The following COX11 variants were observed in gnomAD, a reference collection of about 807,000 sequenced individuals.
The protein encoded by COX11 is cytochrome c oxidase copper chaperone COX11, also known as cytochrome c oxidase assembly protein COX11, mitochondrial.
A neutral mutation model predicts 29.4 loss-of-function variants in COX11; 18 were observed. That is an observed-to-expected ratio of 0.61 (90% confidence interval 0.42 to 0.91). The LOEUF (loss-of-function observed/expected upper bound fraction) is 0.91, where lower values mean the gene tolerates loss of function less well. Ranked by LOEUF, COX11 falls within the 40% of genes least tolerant of loss-of-function variation. The probability of loss-of-function intolerance (pLI) is 0.00; values close to 1 mark genes in which losing one functional copy is unlikely to be tolerated. For synonymous variants in COX11, 131 were observed against 124.0 expected (o/e 1.06, Z -0.38); for missense variants, 312 against 346.0 (o/e 0.90, Z 0.78).
intron 2 of COX11, among the ~76,000 whole-genome samples, chr17:54,964,020 T>A (rs1176291312): frequency 6.6e-6 from 1 of 152,140 alleles, no homozygotes; most frequent in African/African-American, 2.4e-5. Flanking sequence ...AATCATAACC[T>A]ATAAAATCTT....
chr17:54,967,898 G>A (rs1341635938), intron 1 of COX11, among the ~76,000 whole-genome samples: 3 of 151,614 alleles, frequency 2.0e-5, no homozygotes, highest in African/African-American at 7.3e-5. Context: ...TAAACCACAT[G>A]TGGTTTGCAG....
At position 54,962,926 on chromosome 17, in the gene COX11, T is replaced by C. The variant is rs779471204; in HGVS notation, c.649-11A>G. ...TTCAAAACAGAAGCACTGGAAATTA[T>C]AGAAAGATTTTAATAACATTTCTAT... On this transcript the variant is annotated splice_polypyrimidine_tract_variant and intron_variant, in intron 3 of 3. Transcript: ENST00000299335. 1.0e-5 allele frequency: 16 copies of C among 1,598,154 alleles called. No homozygotes were observed. Among genetic ancestry groups the C allele is most frequent in the Middle Eastern group, 3.3e-4 (2 of 6,046 alleles).
At chr17:54,965,749 T>C (rs1443747017) in intron 1 of COX11, among the ~76,000 whole-genome samples, 1 of 151,724 alleles carries the variant, frequency 6.6e-6, no homozygotes. Flanking sequence ...AAGAATTGCT[T>C]GAACCCGGGA....
At chr17:54,965,596 C>CG (rs1324957329) in intron 1 of COX11, among the ~76,000 whole-genome samples, 7 of 152,016 alleles carry the variant, frequency 4.6e-5, no homozygotes, top group Non-Finnish European at 1.0e-4. Context: ...TGGGAAGCCA[C>CG]GGGGGGCGGA....
chr17:54,957,912 C>T (rs1044371631), downstream of COX11: 17 of 152,182 alleles, frequency 1.1e-4, no homozygotes, highest in African/African-American at 4.1e-4. Flanking sequence ...CCACCAAATA[C>T]ATGTTTACAA....
downstream of COX11, among the ~76,000 whole-genome samples, chr17:54,958,748 A>AAAAAAAAAAAAAAAGG (rs372776781): frequency 8.4e-6 from 1 of 118,928 alleles, no homozygotes; most frequent in Non-Finnish European, 1.7e-5. Flanking sequence ...AAAAAAAAAA[A>AAAAAAAAAAAAAAAGG]GGGGTTGTTG....
Position 54,962,034 on chromosome 17 carries a change from G to GTACATT in COX11, c.*693_*698dup, listed in dbSNP as rs1295444203. 4 of 984,284 alleles carry GTACATT rather than the reference G, an allele frequency of 4.1e-6. No individual in the cohort carries two copies. In the African/African-American group the frequency reaches 7.0e-5, roughly 17 times the overall value. 61.0% of individuals were successfully genotyped at this position (984,284 alleles called of 1,614,324 possible). On this transcript the variant is annotated 3_prime_UTR_variant, in exon 4 of 4. Transcript: ENST00000299335. ...TCAGTAAATCTTCACAATCCCACCTGTACATTTTAACATTCATGGACTTGT... is the reference window on the plus strand; with the variant it reads ...TCAGTAAATCTTCACAATCCCACCTGTACATTTACATTTTAACATTCATGGACTTGT...
upstream of COX11, chr17:54,968,744 G>T: frequency 7.1e-7 from 1 of 1,410,264 alleles, no homozygotes. Flanking sequence ...GCCTGCCGCT[G>T]CCTTGGCTAC....
chr17:54,964,531 CT>C, intron 2 of COX11, 165 bp downstream of exon 2: 1 of 691,374 alleles, frequency 1.4e-6, no homozygotes, highest in East Asian at 2.8e-5. Context: ...AGAATTTATA[CT>C]TTAACTTTTA....
chr17:54,957,776 C>T (rs1337149140), downstream of COX11: 1 of 152,126 alleles, frequency 6.6e-6, no homozygotes, highest in Non-Finnish European at 1.5e-5. Context: ...AAGATACACA[C>T]GATTCACTAA....
downstream of COX11, among the ~76,000 whole-genome samples, chr17:54,958,748 A>AAAAAAAAAAGGG: frequency 8.4e-6 from 1 of 118,956 alleles, no homozygotes; most frequent in Non-Finnish European, 1.7e-5. Flanking sequence ...AAAAAAAAAA[A>AAAAAAAAAAGGG]GGGGTTGTTG....
chr17:54,958,987 T>C (rs1959282844), downstream of COX11, among the ~76,000 whole-genome samples: 2 of 152,110 alleles, frequency 1.3e-5, no homozygotes, highest in Non-Finnish European at 2.9e-5. Flanking sequence ...ACAATACAAA[T>C]GAAGATAAAC....
intron 1 of COX11, among the ~76,000 whole-genome samples, chr17:54,967,036 GCGCGCGCACACA>G (rs2077235718): frequency 4.3e-5 from 2 of 46,810 alleles, no homozygotes; most frequent in African/African-American, 1.4e-4. Flanking sequence ...AAACGTGCGC[GCGCGCGCACACA>G]CACACACACA....
intron 2 of COX11, among the ~76,000 whole-genome samples, chr17:54,963,777 C>T (rs1436238104): frequency 6.6e-6 from 1 of 151,994 alleles, no homozygotes; most frequent in South Asian, 2.1e-4. Flanking sequence ...AACACTTATA[C>T]CTGAATGTCA....
downstream of COX11, among the ~76,000 whole-genome samples, chr17:54,959,837 G>A (rs980562551): frequency 6.6e-6 from 1 of 151,994 alleles, no homozygotes; most frequent in Non-Finnish European, 1.5e-5. Context: ...TACTGGTCTT[G>A]AAATCCTGGA....
chr17:54,963,305 C>A lies in COX11; in HGVS notation c.648+1G>T. On this transcript the variant is annotated splice_donor_variant, in intron 3 of 3. Coordinates refer to ENST00000299335, the MANE Select transcript of COX11 (RefSeq NM_004375.5). LOFTEE classifies it high-confidence loss of function. ...TCTGTAAAGTTTACACTTTGATGTA[C>A]CTGTATTTTATTGAAATACTGTCCA... The A allele has an allele frequency of 6.2e-7, 1 of 1,608,488 alleles. No individual in the cohort carries two copies. The highest frequency in any genetic ancestry group is 8.5e-7 in the Non-Finnish European group (1 of 1,176,924).
At chr17:54,958,577 A>C (rs889598072), downstream of COX11, among the ~76,000 whole-genome samples, 4 of 152,272 alleles carry the variant, frequency 2.6e-5, no homozygotes, top group Non-Finnish European at 5.9e-5. Flanking sequence ...CTAAAAATAC[A>C]AAAATTAGCC....
At chr17:54,957,101 C>T (rs2049551326), downstream of COX11, 1 of 152,228 alleles carries the variant, frequency 6.6e-6, no homozygotes, top group Non-Finnish European at 1.5e-5. Flanking sequence ...CAGGTGATTA[C>T]TCAAGTTGAT....
chr17:54,962,357 C>T lies in COX11; in HGVS notation c.*376G>A. 1 of 993,194 alleles carries T rather than the reference C, an allele frequency of 1.0e-6. No individual in the cohort carries two copies. The highest frequency in any genetic ancestry group is 1.2e-6 in the Non-Finnish European group (1 of 835,666). 61.5% of individuals were successfully genotyped at this position (993,194 alleles called of 1,614,324 possible). ...TGGCCTATGACTTGAAACAAATAAC[C>T]CTGAGCATACATTTTTGAAAAACAT... On this transcript the variant is annotated 3_prime_UTR_variant, in exon 4 of 4. Coordinates refer to ENST00000299335, the MANE Select transcript of COX11 (RefSeq NM_004375.5).
Sources: gnomAD v4.1 joint callset for allele counts (sites outside exome capture counted in the v4.1 genomes callset) on GRCh38, gnomAD v4.1.1 for gene constraint, MANE v1.5 for transcripts, NCBI Gene and HGNC (gene_info 2026-07-23, HGNC 2026-07-21) for gene names.